RAB6B: variants seen among roughly 807,000 people sequenced by gnomAD.
The protein encoded by RAB6B is RAB6B, member RAS oncogene family, also known as ras-related protein Rab-6B.
A neutral mutation model predicts 31.2 loss-of-function variants in RAB6B; 7 were observed. That is an observed-to-expected ratio of 0.22 (90% confidence interval 0.13 to 0.42). The LOEUF (loss-of-function observed/expected upper bound fraction) is 0.42. Among genes scored for constraint, RAB6B ranks in the 10% least tolerant of loss-of-function variants. The pLI is 1.00. For missense variants in RAB6B, 149 were observed against 280.6 expected (o/e 0.53, Z 3.35); for synonymous variants, 105 against 104.9 (o/e 1.00, Z -0.01).
At chr3:133,849,529 G>A (rs1303162255) in intron 2 of RAB6B, among the ~76,000 whole-genome samples, 1 of 152,218 alleles carries the variant, frequency 6.6e-6, no homozygotes, top group Non-Finnish European at 1.5e-5. Flanking sequence ...AGAGGGAGAT[G>A]CTTATGCATG....
chr3:133,853,705 T>C (rs969845292), intron 2 of RAB6B, among the ~76,000 whole-genome samples: 3 of 152,150 alleles, frequency 2.0e-5, no homozygotes, highest in Non-Finnish European at 4.4e-5. Context: ...GGGAGTGTCC[T>C]GGAAAAATGG....
intron 2 of RAB6B, among the ~76,000 whole-genome samples, chr3:133,863,609 A>G (rs891325065): frequency 6.6e-6 from 1 of 152,130 alleles, no homozygotes; most frequent in African/African-American, 2.4e-5. Flanking sequence ...AGGCTCCGAG[A>G]AGCCCTGCAG....
chr3:133,872,199 T>C (rs1162645999), intron 1 of RAB6B, among the ~76,000 whole-genome samples: 2 of 152,348 alleles, frequency 1.3e-5, no homozygotes, highest in African/African-American at 4.8e-5. Flanking sequence ...TGCTTCCTCA[T>C]TGTGCAGACC....
intron 6 of RAB6B, among the ~76,000 whole-genome samples, chr3:133,835,806 G>C (rs1243591897): frequency 6.6e-6 from 1 of 152,068 alleles, no homozygotes; most frequent in Non-Finnish European, 1.5e-5. Flanking sequence ...ACCTTGTGAG[G>C]ATGCAGCAGG....
Position 133,825,169 on chromosome 3 carries a change from A to G in RAB6B, c.*3619T>C, listed in dbSNP as rs1935538609. 6.6e-6 allele frequency: 1 copy of G among 152,156 alleles called. No individual in the cohort carries two copies. The allele number at this position is 152,156 out of a possible 1,614,324, so 9.4% of individuals were successfully genotyped here. Reference sequence around the variant, plus strand: ...TCACTGTCCTCGGCTACCTGGTCCCATCTCATCCTGACATCCTCACCTGCC... The same window carrying G: ...TCACTGTCCTCGGCTACCTGGTCCCGTCTCATCCTGACATCCTCACCTGCC... On this transcript the variant is annotated 3_prime_UTR_variant, in exon 8 of 8. Transcript: ENST00000285208.
At chr3:133,831,074 G>A (rs1455868878) in intron 7 of RAB6B, among the ~76,000 whole-genome samples, 1 of 152,194 alleles carries the variant, frequency 6.6e-6, no homozygotes, top group African/African-American at 2.4e-5. Context: ...CAGTATTGAA[G>A]TCACCTACGA....
Position 133,845,671 on chromosome 3 carries a change from CAACACTCTTCAGAGGAAGGT to C in RAB6B, c.130-4028_130-4009del, listed in dbSNP as rs1452299304. Among the ~76,000 whole-genome samples the C allele has an allele frequency of 5.3e-5, 8 of 152,074 alleles. 1 individual carries two copies. Among genetic ancestry groups the C allele is most frequent in the African/African-American group, 1.7e-4 (7 of 41,414 alleles). On this transcript the variant is annotated intron_variant, in intron 2 of 7. Coordinates refer to ENST00000285208, the MANE Select transcript of RAB6B (RefSeq NM_016577.4). ...CATTTAATTGCCTATTAAGATAAAA[CAACACTCTTCAGAGGAAGGT>C]AACAAAATCCAAGACTATAACTTAT...
chr3:133,835,013 A>G (rs970591407), intron 6 of RAB6B, among the ~76,000 whole-genome samples: 1 of 152,212 alleles, frequency 6.6e-6, no homozygotes, highest in Admixed American at 6.6e-5. Context: ...GCTTCTGCAA[A>G]CAGCCCTCAT....
At position 133,824,578 on chromosome 3, in the gene RAB6B, A is replaced by C. The variant is rs1018311566; in HGVS notation, c.*4210T>G. On this transcript the variant is annotated 3_prime_UTR_variant, in exon 8 of 8. Coordinates refer to ENST00000285208, the MANE Select transcript of RAB6B (RefSeq NM_016577.4). ...CCAGACAGGGGTCTGGAGTCCAAGG[A>C]GTTTGCACATTGAGATCCCAAGGTT... 3.9e-5 allele frequency: 6 copies of C among 152,214 alleles called. No individual in the cohort carries two copies. Among genetic ancestry groups the C allele is most frequent in the Non-Finnish European group, 7.3e-5 (5 of 68,048 alleles). 9.4% of individuals were successfully genotyped at this position (152,214 alleles called of 1,614,324 possible). A position where few individuals can be genotyped will look rare whatever the true frequency, so the allele number is the denominator to read the frequency against.
chr3:133,891,840 G>T (rs1463114990), intron 1 of RAB6B, among the ~76,000 whole-genome samples: 2 of 152,214 alleles, frequency 1.3e-5, no homozygotes, highest in Admixed American at 1.3e-4. Context: ...AGGGCAGGCA[G>T]GTGGCTGGTC....
chr3:133,840,657 A>G (rs1935812079), intron 4 of RAB6B, among the ~76,000 whole-genome samples: 2 of 152,198 alleles, frequency 1.3e-5, no homozygotes, highest in African/African-American at 4.8e-5. Flanking sequence ...AGGGCTTATC[A>G]GGTGTGTTCC....
chr3:133,828,531 C>T lies in RAB6B; in HGVS notation c.*257G>A. ...GATTTAAATTTTTTTTAAATTTTAA[C>T]AGTTTTTGGCAATCTTAATAAAGTA... On this transcript the variant is annotated 3_prime_UTR_variant, in exon 8 of 8. Transcript: ENST00000285208. The T allele has an allele frequency of 2.1e-6, 1 of 478,336 alleles. No homozygotes were observed. The highest frequency in any genetic ancestry group is 3.7e-6 in the Non-Finnish European group (1 of 273,390). 29.6% of individuals were successfully genotyped at this position (478,336 alleles called of 1,614,324 possible).
Position 133,886,980 on chromosome 3 carries a change from G to A in RAB6B, c.70+8417C>T, listed in dbSNP as rs574931146. 5.3e-5 allele frequency among the ~76,000 whole-genome samples: 8 copies of A among 152,108 alleles called. No individual in the cohort carries two copies. In the East Asian group the frequency reaches 1.5e-3, roughly 29 times the overall value. On this transcript the variant is annotated intron_variant, in intron 1 of 7. Coordinates refer to ENST00000285208, the MANE Select transcript of RAB6B (RefSeq NM_016577.4). ...TCCATTCAGCAGAGGGGTGGGCTGA[G>A]GTGGAAGCCCAGGATGCAGGAGGAC...
At chr3:133,834,138 C>T (rs746823384) in intron 7 of RAB6B, among the ~76,000 whole-genome samples, 5 of 151,350 alleles carry the variant, frequency 3.3e-5, no homozygotes, top group Admixed American at 6.6e-5. Flanking sequence ...AGAAGGTGGG[C>T]GGGACAAGGA....
At chr3:133,889,655 C>T (rs972629809) in intron 1 of RAB6B, among the ~76,000 whole-genome samples, 12 of 151,734 alleles carry the variant, frequency 7.9e-5, no homozygotes, top group Admixed American at 1.3e-4. Context: ...AGGCTGGTCT[C>T]GAACTCCTGA....
chr3:133,835,913 AT>A (rs2107988157), intron 6 of RAB6B, among the ~76,000 whole-genome samples: 1 of 152,230 alleles, frequency 6.6e-6, no homozygotes, highest in African/African-American at 2.4e-5. Flanking sequence ...TAAGCAATAC[AT>A]TTCTGCTGTT....
chr3:133,852,252 C>G (rs963311675), intron 2 of RAB6B, among the ~76,000 whole-genome samples: 2 of 152,176 alleles, frequency 1.3e-5, no homozygotes, highest in Non-Finnish European at 2.9e-5. Flanking sequence ...GACCACGGGC[C>G]TAGGCTGCTT....
Position 133,870,620 on chromosome 3 carries a change from AAG to A in RAB6B, c.71-5980_71-5979del, listed in dbSNP as rs1481548131. 4.6e-5 allele frequency among the ~76,000 whole-genome samples: 7 copies of A among 152,184 alleles called. No individual in the cohort carries two copies. The East Asian group carries it at 1.2e-3, about 25-fold the overall frequency. ...GATGCTAGAGCTATCCCCTGAGCCC[AAG>A]ACAACTGGACAAGGAACAGACACCA... On this transcript the variant is annotated intron_variant, in intron 1 of 7. Transcript: ENST00000285208.
At chr3:133,894,214 G>A (rs1163789382) in intron 1 of RAB6B, among the ~76,000 whole-genome samples, 1 of 152,228 alleles carries the variant, frequency 6.6e-6, no homozygotes, top group African/African-American at 2.4e-5. Flanking sequence ...AGGCAGAGCT[G>A]GGGTCCTGTC....
Sources: allele counts gnomAD v4.1 joint callset (sites outside exome capture counted in the v4.1 genomes callset), GRCh38; gene constraint gnomAD v4.1.1; transcripts MANE v1.5; gene names NCBI Gene and HGNC (gene_info 2026-07-23, HGNC 2026-07-21).